MYT1L: variants seen among roughly 807,000 people sequenced by gnomAD.
MYT1L encodes myelin transcription factor 1-like protein.
In MYT1L, 12 loss-of-function variants were observed where a neutral mutation model predicts 126.7. The observed-to-expected ratio is 0.09, with a 90% CI of 0.06 to 0.15. The LOEUF (loss-of-function observed/expected upper bound fraction) is 0.15. MYT1L is among the 10% of genes least tolerant of loss of function. MYT1L has a pLI of 1.00. For missense variants in MYT1L, 979 were observed against 1,585.2 expected (o/e 0.62, Z 6.49); for synonymous variants, 541 against 604.2 (o/e 0.90, Z 1.53).
chr2:1,866,375 TGAGA>T (rs764041997), intron 18 of MYT1L, among the ~76,000 whole-genome samples: 1 of 147,936 alleles, frequency 6.8e-6, no homozygotes, highest in Non-Finnish European at 1.5e-5. Flanking sequence ...CTTACGAAGA[TGAGA>T]GAGAGAGAGG....
intron 2 of MYT1L, among the ~76,000 whole-genome samples, chr2:2,263,557 G>A (rs996806902): frequency 6.6e-6 from 1 of 152,126 alleles, no homozygotes; most frequent in African/African-American, 2.4e-5. Context: ...AACTGGTGCT[G>A]GGGTTTGCAG....
At chr2:2,033,110 G>A (rs1229635687) in intron 4 of MYT1L, among the ~76,000 whole-genome samples, 1 of 120,626 alleles carries the variant, frequency 8.3e-6, no homozygotes. Flanking sequence ...TAGAAGGAGG[G>A]CCTTACACAC....
At chr2:1,796,879 C>CCCAGG (rs2033645652) in intron 23 of MYT1L, among the ~76,000 whole-genome samples, 1 of 152,172 alleles carries the variant, frequency 6.6e-6, no homozygotes, top group Non-Finnish European at 1.5e-5. Context: ...ATGCCGCTTG[C>CCCAGG]CCAGGCCGTG....
At chr2:2,065,070 C>T (rs1039191180) in intron 3 of MYT1L, among the ~76,000 whole-genome samples, 9 of 152,176 alleles carry the variant, frequency 5.9e-5, no homozygotes, top group Admixed American at 2.6e-4. Flanking sequence ...TGGTGGCACA[C>T]GCCTGTGGTC....
intron 8 of MYT1L, among the ~76,000 whole-genome samples, chr2:1,954,814 C>T (rs1223544658): frequency 6.6e-6 from 1 of 151,908 alleles, no homozygotes; most frequent in African/African-American, 2.4e-5. Context: ...CCTGTAATCC[C>T]AGCACTTTGG....
chr2:2,219,952 A>G (rs113502138), intron 2 of MYT1L, among the ~76,000 whole-genome samples: 108 of 149,828 alleles, frequency 7.2e-4, no homozygotes, highest in African/African-American at 2.4e-3. Context: ...TAACACAGCC[A>G]TCTTTCCCTT....
intron 9 of MYT1L, among the ~76,000 whole-genome samples, chr2:1,938,937 T>C (rs1361273741): frequency 6.6e-6 from 1 of 152,244 alleles, no homozygotes; most frequent in Non-Finnish European, 1.5e-5. Context: ...TGGGGGTTTG[T>C]ATACATTTGT....
At chr2:2,231,391 C>T (rs2094157324) in intron 2 of MYT1L, among the ~76,000 whole-genome samples, 1 of 152,094 alleles carries the variant, frequency 6.6e-6, no homozygotes. Context: ...GCGTTACTGC[C>T]TAAGATTTTC....
chr2:1,834,479 A>G (rs2040567138), intron 21 of MYT1L, among the ~76,000 whole-genome samples: 1 of 152,224 alleles, frequency 6.6e-6, no homozygotes, highest in Non-Finnish European at 1.5e-5. Flanking sequence ...AACCATAGTC[A>G]ACACATGATG....
At chr2:1,844,246 C>A (rs971125631) in intron 19 of MYT1L, among the ~76,000 whole-genome samples, 1 of 152,114 alleles carries the variant, frequency 6.6e-6, no homozygotes, top group Non-Finnish European at 1.5e-5. Flanking sequence ...GAGTCCAGGG[C>A]CCCCCGCAGC....
intron 3 of MYT1L, among the ~76,000 whole-genome samples, chr2:2,063,114 T>G: frequency 6.6e-6 from 1 of 152,184 alleles, no homozygotes; most frequent in East Asian, 1.9e-4. Flanking sequence ...TTTTTTAAAT[T>G]TAAATTTCAA....
intron 2 of MYT1L, among the ~76,000 whole-genome samples, chr2:2,239,019 C>T (rs1559428270): frequency 6.6e-6 from 1 of 152,210 alleles, no homozygotes; most frequent in African/African-American, 2.4e-5. Flanking sequence ...CTGACCCAGC[C>T]TACTGGCCAC....
rs78566897 is a variant in MYT1L, at chr2:1,992,567, C to T, written c.-1+4624G>A. On this transcript the variant is annotated intron_variant, in intron 5 of 24. Coordinates refer to ENST00000647738, the MANE Select transcript of MYT1L (RefSeq NM_001303052.2). ...TACCCCAAGTCTAGCAATAATGCCT[C>T]CTTTTCCTTACTTGCCTTTGCAAAA... Among the ~76,000 whole-genome samples the T allele has an allele frequency of 3.2e-4, 48 of 152,300 alleles. 1 individual carries two copies. The highest frequency in any genetic ancestry group is 2.7e-3 in the East Asian group (14 of 5,180).
intron 3 of MYT1L, among the ~76,000 whole-genome samples, chr2:2,070,340 C>T (rs531783511): frequency 1.8e-4 from 27 of 152,184 alleles, no homozygotes; most frequent in African/African-American, 5.3e-4. Context: ...ACCTGCGTTG[C>T]GACACCACCT....
intron 3 of MYT1L, among the ~76,000 whole-genome samples, chr2:2,130,804 G>A (rs948590517): frequency 1.3e-5 from 2 of 151,996 alleles, no homozygotes; most frequent in East Asian, 3.9e-4. Context: ...AATAATATTA[G>A]CTTTTTTCTT....
chr2:2,292,868 A>G (rs747195937), intron 1 of MYT1L, among the ~76,000 whole-genome samples: 1 of 152,110 alleles, frequency 6.6e-6, no homozygotes, highest in Non-Finnish European at 1.5e-5. Flanking sequence ...AAGACATTTG[A>G]GATAAGGAGA....
In MYT1L at chr2:1,972,436, T is replaced by C. The variant is rs148005724; in HGVS notation, c.152+6729A>G. On this transcript the variant is annotated intron_variant, in intron 8 of 24. Coordinates refer to ENST00000647738, the MANE Select transcript of MYT1L (RefSeq NM_001303052.2). Reference sequence around the variant, plus strand: ...CTATGTGAAACTGGTAAAGGGGAGATATAGGAACTCCTATTTTTCTCTCTG... The same window carrying C: ...CTATGTGAAACTGGTAAAGGGGAGACATAGGAACTCCTATTTTTCTCTCTG... Among the ~76,000 whole-genome samples the C allele has an allele frequency of 2.1e-3, 314 of 152,360 alleles. 1 individual carries two copies. The highest frequency in any genetic ancestry group is 7.4e-3 in the African/African-American group (307 of 41,580).
chr2:1,905,869 T>A (rs2050983857), intron 13 of MYT1L, among the ~76,000 whole-genome samples: 1 of 152,232 alleles, frequency 6.6e-6, no homozygotes, highest in Non-Finnish European at 1.5e-5. Context: ...GATGGAAATC[T>A]GAGGGGTTTT....
chr2:1,924,473 T>G (rs2053962558), intron 9 of MYT1L, among the ~76,000 whole-genome samples: 1 of 152,178 alleles, frequency 6.6e-6, no homozygotes, highest in Non-Finnish European at 1.5e-5. Flanking sequence ...AGAAATGAGG[T>G]ATATTGACCT....
Sources: gnomAD v4.1 joint callset for allele counts (sites outside exome capture counted in the v4.1 genomes callset) on GRCh38, gnomAD v4.1.1 for gene constraint, MANE v1.5 for transcripts, NCBI Gene and HGNC (gene_info 2026-07-23, HGNC 2026-07-21) for gene names.